The following ZNF292 variants were observed in gnomAD, a reference collection of about 807,000 sequenced individuals.
The protein encoded by ZNF292 is zinc finger protein 292.
Under a neutral mutation model 217.9 loss-of-function variants are expected in ZNF292, and 26 were observed. The observed-to-expected ratio is 0.12, with a 90% CI of 0.09 to 0.17. ZNF292 has a LOEUF of 0.17. Among genes scored for constraint, ZNF292 ranks in the 10% least tolerant of loss-of-function variants. The probability of loss-of-function intolerance (pLI) is 1.00; values close to 1 mark genes in which losing one functional copy is unlikely to be tolerated. For synonymous variants in ZNF292, 1,257 were observed against 1,124.1 expected (o/e 1.12, Z -2.37); for missense variants, 2,904 against 3,175.2 (o/e 0.91, Z 2.05).
At chr6:87,245,391 A>C (rs1351432249) in intron 6 of ZNF292, 112 bp from the exon 7 acceptor site, 4 of 677,538 alleles carry the variant, frequency 5.9e-6, no homozygotes, top group African/African-American at 1.9e-5. Context: ...AAGCATGCAT[A>C]TAGGATTGGA....
Position 87,257,493 on chromosome 6 carries a change from C to T in ZNF292, c.3864C>T (p.Ser1288=), listed in dbSNP as rs1408603773. The T allele has an allele frequency of 1.2e-6, 2 of 1,611,692 alleles. No homozygotes were observed. Among genetic ancestry groups the T allele is most frequent in the Non-Finnish European group, 1.7e-6 (2 of 1,178,896 alleles). ...PADSGTNSVF[S]QLENNTNHYS... ...ATAGTGGGACTAATTCTGTTTTTTCCCAACTGGAAAATAATACAAATCATT... is the reference window on the plus strand; with the variant it reads ...ATAGTGGGACTAATTCTGTTTTTTCTCAACTGGAAAATAATACAAATCATT... The change falls in exon 8 of 8, where the codon TCC becomes TCT. Residue 1288 remains serine (S), a synonymous_variant. Coordinates refer to ENST00000369577, the MANE Select transcript of ZNF292 (RefSeq NM_015021.3).
At chr6:87,173,301 C>T (rs1771168892) in intron 1 of ZNF292, 1 of 152,138 alleles carries the variant, frequency 6.6e-6, no homozygotes, top group Admixed American at 6.6e-5. Flanking sequence ...TTTATTCATC[C>T]ATTGTGTATA....
At position 87,218,730 on chromosome 6, in the gene ZNF292, A is replaced by G; in HGVS notation, c.537A>G (p.Lys179=). The G allele has an allele frequency of 6.3e-7, 1 of 1,577,906 alleles. No individual in the cohort carries two copies. Among genetic ancestry groups the G allele is most frequent in the South Asian group, 1.2e-5 (1 of 81,756 alleles). Residue 179 remains lysine, a splice_region_variant and synonymous_variant, in exon 4 of 8, where the codon AAA becomes AAG. Coordinates refer to ENST00000369577, the MANE Select transcript of ZNF292 (RefSeq NM_015021.3). Reference sequence around the variant, plus strand: ...CCCAGGAACCATTGGATAAGGATAAAGGTAAATTTTCGAGAGACAGAGAAA... The same window carrying G: ...CCCAGGAACCATTGGATAAGGATAAGGGTAAATTTTCGAGAGACAGAGAAA... ...ILSQEPLDKD[K]VNEFLAFEGP...
chr6:87,217,904 T>G (rs971052434), intron 3 of ZNF292, among the ~76,000 whole-genome samples: 1 of 152,118 alleles, frequency 6.6e-6, no homozygotes, highest in African/African-American at 2.4e-5. Context: ...TTTAACTATT[T>G]AAACATTTCT....
At chr6:87,205,777 C>G (rs1772233985) in intron 1 of ZNF292, among the ~76,000 whole-genome samples, 1 of 152,092 alleles carries the variant, frequency 6.6e-6, no homozygotes, top group Admixed American at 6.5e-5. Context: ...ATCCTCACCA[C>G]AATCTGTGTC....
rs78593896 is a variant in ZNF292 at position 87,177,741 on chromosome 6, C to A, written c.168+21982C>A. Among the ~76,000 whole-genome samples the A allele has an allele frequency of 6.5e-3, 992 of 152,282 alleles. 15 individuals are homozygous for A. The highest frequency in any genetic ancestry group is 0.023 in the African/African-American group (953 of 41,556). On this transcript the variant is annotated intron_variant, in intron 1 of 7. Coordinates refer to ENST00000369577, the MANE Select transcript of ZNF292 (RefSeq NM_015021.3). Reference sequence around the variant, plus strand: ...AGTTATGGGCTCATTTTCTTAATTTCTTTAATGAGGATAATAGTCATATCT... The same window carrying A: ...AGTTATGGGCTCATTTTCTTAATTTATTTAATGAGGATAATAGTCATATCT...
rs768519682 is a variant in ZNF292 at position 87,256,218 on chromosome 6, G to A, written c.2589G>A (p.Glu863=). The change falls in exon 8 of 8, where the codon GAG becomes GAA. Residue 863 remains glutamate, a synonymous_variant. Transcript: ENST00000369577. ...QPSEVNQNTA[E]NIEKERSMLP... The stretch of plus-strand genomic sequence containing the variant: ...CTGAAGTGAATCAGAACACAGCAGA[G>A]AATATTGAGAAAGAAAGATCTATGC... The A allele has an allele frequency of 9.9e-6, 16 of 1,613,802 alleles. No individual in the cohort carries two copies. Among genetic ancestry groups the A allele is most frequent in the Non-Finnish European group, 1.2e-5 (14 of 1,179,826 alleles).
intron 4 of ZNF292, among the ~76,000 whole-genome samples, chr6:87,220,566 G>GGA (rs1296204449): frequency 2.6e-5 from 4 of 152,072 alleles, no homozygotes; most frequent in Admixed American, 6.5e-5. Flanking sequence ...TCTAAATAAA[G>GGA]GAGTAACTCC....
intron 1 of ZNF292, among the ~76,000 whole-genome samples, chr6:87,179,882 A>G (rs1240860061): frequency 1.3e-5 from 2 of 152,078 alleles, no homozygotes; most frequent in Admixed American, 1.3e-4. Context: ...TTTTCATGCT[A>G]TCTTTTAGTC....
At chr6:87,196,565 T>C (rs1328998178) in intron 1 of ZNF292, among the ~76,000 whole-genome samples, 1 of 152,254 alleles carries the variant, frequency 6.6e-6, no homozygotes, top group Non-Finnish European at 1.5e-5. Flanking sequence ...CTGATCATGA[T>C]GCACATCTCT....
In ZNF292 at chr6:87,259,856, A is replaced by G. The variant is rs995644552; in HGVS notation, c.6227A>G (p.Gln2076Arg). ...AATACAAATGCACTCACAAACACAC[A>G]AACCAAAGGACGGAAGATTAGGAGG... is the stretch of plus-strand genomic sequence containing the variant. ...QCNTNALTNTQTKGRKIRRHK... is the reference protein window; with the variant it reads ...QCNTNALTNTRTKGRKIRRHK... The change falls in exon 8 of 8, where the codon CAA (glutamine) becomes CGA (arginine). Residue 2076 changes from glutamine to arginine, a missense_variant. Physicochemically the swap from Gln to Arg is conservative, Grantham distance 43. Coordinates refer to ENST00000369577, the MANE Select transcript of ZNF292 (RefSeq NM_015021.3). 1 of 1,613,374 alleles carries G rather than the reference A, an allele frequency of 6.2e-7. No homozygotes were observed. The highest frequency in any genetic ancestry group is 8.5e-7 in the Non-Finnish European group (1 of 1,179,548).
intron 1 of ZNF292, among the ~76,000 whole-genome samples, chr6:87,187,510 G>A (rs1238079520): frequency 2.6e-5 from 4 of 151,964 alleles, no homozygotes; most frequent in Non-Finnish European, 1.5e-5. Context: ...CCTGAGGTCA[G>A]GAGTTTGAGA....
intron 1 of ZNF292, among the ~76,000 whole-genome samples, chr6:87,203,202 A>G (rs1399527543): frequency 7.0e-6 from 1 of 142,044 alleles, no homozygotes; most frequent in Non-Finnish European, 1.5e-5. Flanking sequence ...GTGCAGTGGC[A>G]TGATCATGGC....
At position 87,254,822 on chromosome 6, in the gene ZNF292, C is replaced by A; in HGVS notation, c.1193C>A (p.Pro398His). 1 of 1,613,856 alleles carries A rather than the reference C, an allele frequency of 6.2e-7. No homozygotes were observed. The highest frequency in any genetic ancestry group is 8.5e-7 in the Non-Finnish European group (1 of 1,179,828). ...CAACTGAGTGAATTTCTTATTGAGC[C>A]TACAGTAGATGCGTATTATGCTGTG... ...ACQLSEFLIE[P>H]TVDAYYAVEM... The change falls in exon 8 of 8, where the codon CCT becomes CAT. Residue 398 changes from proline (P) to histidine (H), a missense_variant. Transcript: ENST00000369577.
chr6:87,190,659 A>G (rs1172439870), intron 1 of ZNF292, among the ~76,000 whole-genome samples: 2 of 151,998 alleles, frequency 1.3e-5, no homozygotes, highest in Admixed American at 6.6e-5. Context: ...TTTTTAGTAG[A>G]GATGAGATTT....
chr6:87,165,757 CTTTTT>C (rs71014998), intron 1 of ZNF292, among the ~76,000 whole-genome samples: 1 of 131,272 alleles, frequency 7.6e-6, no homozygotes, highest in Non-Finnish European at 1.6e-5. Context: ...GTTTACATTT[CTTTTT>C]TTTTTTTTTT....
In ZNF292 at chr6:87,261,996, C is replaced by A. The variant is rs551204993; in HGVS notation, c.*195C>A. On this transcript the variant is annotated 3_prime_UTR_variant, in exon 8 of 8. Transcript: ENST00000369577. ...TTTTATCCCTATGGGACTTGAGGAA[C>A]AGAATCAGTACTTCAGTTATTGTAA... 2.5e-6 allele frequency: 1 copy of A among 401,868 alleles called. No homozygotes were observed. Among genetic ancestry groups the A allele is most frequent in the East Asian group, 3.9e-5 (1 of 25,490 alleles). The allele number at this position is 401,868 out of a possible 1,614,324, so 24.9% of individuals were successfully genotyped here.
At chr6:87,236,311 A>C (rs1009319884) in intron 5 of ZNF292, among the ~76,000 whole-genome samples, 3 of 152,196 alleles carry the variant, frequency 2.0e-5, no homozygotes, top group Non-Finnish European at 4.4e-5. Context: ...TCTTTGTCCA[A>C]GTGAGGCAAG....
chr6:87,233,884 AT>A (rs1177755108), intron 5 of ZNF292, among the ~76,000 whole-genome samples: 3 of 152,188 alleles, frequency 2.0e-5, no homozygotes, highest in Admixed American at 2.0e-4. Context: ...AAACTGGCTA[AT>A]TTAAGTAACT....
Sources: gnomAD v4.1 joint callset for allele counts (sites outside exome capture counted in the v4.1 genomes callset) on GRCh38, gnomAD v4.1.1 for gene constraint, MANE v1.5 for transcripts, NCBI Gene and HGNC (gene_info 2026-07-23, HGNC 2026-07-21) for gene names.